Variants in KIAA1217 observed in about 807,000 individuals in gnomAD.
KIAA1217 encodes the protein sickle tail protein homolog.
A neutral mutation model predicts 163.9 loss-of-function variants in KIAA1217; 88 were observed. The observed-to-expected ratio is 0.54, with a 90% CI of 0.45 to 0.64. The LOEUF (loss-of-function observed/expected upper bound fraction) is 0.64, where lower values mean the gene tolerates loss of function less well. Ranked by LOEUF, KIAA1217 falls within the 30% of genes least tolerant of loss-of-function variation. The pLI is 0.00. For synonymous variants in KIAA1217, 903 were observed against 923.1 expected (o/e 0.98, Z 0.39); for missense variants, 2,372 against 2,475.0 (o/e 0.96, Z 0.88).
intron 1 of KIAA1217, among the ~76,000 whole-genome samples, chr10:23,880,020 C>A (rs571002569): frequency 6.6e-6 from 1 of 151,982 alleles, no homozygotes; most frequent in Admixed American, 6.6e-5. Flanking sequence ...GGAGGACAGT[C>A]TCTTCAGACT....
At chr10:24,375,944 G>A (rs547881858) in intron 2 of KIAA1217, among the ~76,000 whole-genome samples, 1 of 152,246 alleles carries the variant, frequency 6.6e-6, no homozygotes, top group African/African-American at 2.4e-5. Flanking sequence ...CTGAAAACGG[G>A]AATGAAAAAT....
chr10:24,178,195 T>C (rs2065999282), intron 2 of KIAA1217, among the ~76,000 whole-genome samples: 2 of 152,236 alleles, frequency 1.3e-5, no homozygotes, highest in African/African-American at 4.8e-5. Context: ...GTCACTTGCA[T>C]AGGGATTTAG....
At chr10:24,053,885 G>A (rs1849692363) in intron 2 of KIAA1217, among the ~76,000 whole-genome samples, 1 of 152,132 alleles carries the variant, frequency 6.6e-6, no homozygotes, top group African/African-American at 2.4e-5. Flanking sequence ...AATGAGAAAG[G>A]AAGCATCATA....
chr10:23,751,423 C>A (rs1839733014), intron 1 of KIAA1217, among the ~76,000 whole-genome samples: 1 of 152,100 alleles, frequency 6.6e-6, no homozygotes, highest in South Asian at 2.1e-4. Flanking sequence ...TAATTTAAAT[C>A]AGTGAGGATC....
At chr10:24,326,259 C>G (rs1193152972) in intron 2 of KIAA1217, among the ~76,000 whole-genome samples, 1 of 151,958 alleles carries the variant, frequency 6.6e-6, no homozygotes, top group East Asian at 1.9e-4. Context: ...ATTGTCTCTC[C>G]TAGAATTGTT....
chr10:24,155,852 C>T (rs891433640), intron 2 of KIAA1217, among the ~76,000 whole-genome samples: 1 of 152,014 alleles, frequency 6.6e-6, no homozygotes, highest in Non-Finnish European at 1.5e-5. Context: ...AGGTTTGCAA[C>T]TGTCTCTGGG....
chr10:24,497,486 A>G (rs1451534704), intron 8 of KIAA1217, among the ~76,000 whole-genome samples: 3 of 152,096 alleles, frequency 2.0e-5, no homozygotes, highest in Non-Finnish European at 4.4e-5. Context: ...TAATCTCAGG[A>G]CCTTGGAAGG....
intron 1 of KIAA1217, among the ~76,000 whole-genome samples, chr10:23,896,168 AAGT>A (rs1163253309): frequency 3.3e-5 from 5 of 151,992 alleles, no homozygotes; most frequent in African/African-American, 1.2e-4. Context: ...TTTTTTAAAA[AAGT>A]AGAAGAATAA....
At chr10:24,284,279 G>A (rs959364534) in intron 2 of KIAA1217, among the ~76,000 whole-genome samples, 2 of 151,920 alleles carry the variant, frequency 1.3e-5, no homozygotes, top group African/African-American at 2.4e-5. Flanking sequence ...TTGTTACAAG[G>A]GTATACTGTA....
At chr10:24,098,368 G>C (rs918726679) in intron 2 of KIAA1217, among the ~76,000 whole-genome samples, 4 of 152,140 alleles carry the variant, frequency 2.6e-5, no homozygotes, top group Non-Finnish European at 2.9e-5. Flanking sequence ...AGAGAAAGCA[G>C]AGTGTCTGAA....
intron 2 of KIAA1217, among the ~76,000 whole-genome samples, chr10:24,290,937 C>T (rs1337872735): frequency 6.6e-6 from 1 of 152,066 alleles, no homozygotes; most frequent in Non-Finnish European, 1.5e-5. Context: ...TTGTGTGGGG[C>T]AGGGGGTTGT....
chr10:23,716,120 A>T (rs1045351239), intron 1 of KIAA1217, among the ~76,000 whole-genome samples: 12 of 152,168 alleles, frequency 7.9e-5, no homozygotes, highest in African/African-American at 2.7e-4. Flanking sequence ...ATTTACGTAC[A>T]TACTTCCATG....
At chr10:24,084,360 T>C (rs764367830) in intron 2 of KIAA1217, among the ~76,000 whole-genome samples, 1 of 152,222 alleles carries the variant, frequency 6.6e-6, no homozygotes, top group Non-Finnish European at 1.5e-5. Flanking sequence ...CTATCCTCAG[T>C]AGCCAGAAAG....
At chr10:24,324,952 C>G (rs2044672702) in intron 2 of KIAA1217, among the ~76,000 whole-genome samples, 1 of 151,986 alleles carries the variant, frequency 6.6e-6, no homozygotes, top group African/African-American at 2.4e-5. Context: ...TGAACTTGAC[C>G]CCTTAGATAC....
chr10:24,284,855 C>T lies in KIAA1217; in HGVS notation c.354+64946C>T, dbSNP rs77595795. 8.0e-3 allele frequency among the ~76,000 whole-genome samples: 1,215 copies of T among 152,308 alleles called. 21 individuals are homozygous for T. Among genetic ancestry groups the T allele is most frequent in the African/African-American group, 0.028 (1,144 of 41,560 alleles). The stretch of plus-strand genomic sequence containing the variant: ...GGACTGAACTAATTTCCAATCCGAC[C>T]AACAGTATATGAGTGTTCCCTTTTT... On this transcript the variant is annotated intron_variant, in intron 2 of 20. Coordinates refer to ENST00000376454, the MANE Select transcript of KIAA1217 (RefSeq NM_019590.5).
At chr10:23,998,260 T>G (rs910952109) in intron 1 of KIAA1217, among the ~76,000 whole-genome samples, 1 of 152,224 alleles carries the variant, frequency 6.6e-6, no homozygotes, top group African/African-American at 2.4e-5. Context: ...CTTTGCAGTC[T>G]GGCCCCATCC....
At chr10:23,766,644 A>C (rs1245634405) in intron 1 of KIAA1217, among the ~76,000 whole-genome samples, 2 of 143,732 alleles carry the variant, frequency 1.4e-5, no homozygotes, top group Non-Finnish European at 3.0e-5. Flanking sequence ...GCTGGAGTGC[A>C]ATGGCACAAT....
At chr10:24,022,749 C>T (rs1847787906) in intron 2 of KIAA1217, among the ~76,000 whole-genome samples, 1 of 151,534 alleles carries the variant, frequency 6.6e-6, no homozygotes, top group African/African-American at 2.4e-5. Context: ...ACTGTAGTGC[C>T]TTCCTAAACG....
intron 2 of KIAA1217, among the ~76,000 whole-genome samples, chr10:24,174,024 T>A (rs1475698377): frequency 2.0e-5 from 3 of 152,312 alleles, no homozygotes; most frequent in East Asian, 3.9e-4. Context: ...ATCATGGAAA[T>A]GCACCATTCT....
Sources: gnomAD v4.1 joint callset for allele counts (sites outside exome capture counted in the v4.1 genomes callset) on GRCh38, gnomAD v4.1.1 for gene constraint, MANE v1.5 for transcripts, NCBI Gene and HGNC (gene_info 2026-07-23, HGNC 2026-07-21) for gene names.